Variants in CPA6 observed in about 807,000 individuals in gnomAD.
The protein encoded by CPA6 is carboxypeptidase A6, also known as carboxypeptidase B.
A neutral mutation model predicts 63.3 loss-of-function variants in CPA6; 58 were observed. The observed-to-expected ratio is 0.92, with a 90% CI of 0.74 to 1.14. The LOEUF (loss-of-function observed/expected upper bound fraction) is 1.14, where lower values mean the gene tolerates loss of function less well. CPA6 is among the 50% of genes most tolerant of loss of function. The probability of loss-of-function intolerance (pLI) is 0.00; values close to 1 mark genes in which losing one functional copy is unlikely to be tolerated. For missense variants in CPA6, 565 were observed against 526.6 expected (o/e 1.07, Z -0.71); for synonymous variants, 185 against 179.0 (o/e 1.03, Z -0.27).
chr8:67,726,455 A>T (rs532303745), intron 1 of CPA6, among the ~76,000 whole-genome samples: 2 of 152,318 alleles, frequency 1.3e-5, no homozygotes, highest in South Asian at 2.1e-4. Context: ...TGTAGTTTTA[A>T]AAAGTAATTG....
At chr8:67,679,090 C>G (rs1002722906) in intron 1 of CPA6, among the ~76,000 whole-genome samples, 2 of 152,096 alleles carry the variant, frequency 1.3e-5, no homozygotes, top group African/African-American at 4.8e-5. Context: ...AAAGAAACCT[C>G]TTGGTACTGG....
intron 2 of CPA6, among the ~76,000 whole-genome samples, chr8:67,553,154 A>G (rs1812987401): frequency 6.6e-6 from 1 of 152,220 alleles, no homozygotes; most frequent in South Asian, 2.1e-4. Context: ...CAGGAGTTAT[A>G]AATTAAAGAT....
intron 1 of CPA6, among the ~76,000 whole-genome samples, chr8:67,720,829 C>G (rs1817482831): frequency 6.6e-6 from 1 of 152,150 alleles, no homozygotes. Flanking sequence ...CCTTGTTGAT[C>G]ACTTCCTGGC....
intron 6 of CPA6, among the ~76,000 whole-genome samples, chr8:67,502,049 T>C (rs1419792441): frequency 1.3e-5 from 2 of 152,252 alleles, no homozygotes; most frequent in African/African-American, 4.8e-5. Context: ...TATTCCCTTA[T>C]TAACCTTTTT....
chr8:67,460,713 A>G (rs1224754855), intron 8 of CPA6, among the ~76,000 whole-genome samples: 1 of 152,254 alleles, frequency 6.6e-6, no homozygotes, highest in Non-Finnish European at 1.5e-5. Flanking sequence ...TTATTGCATT[A>G]TAATAAAATA....
chr8:67,623,138 A>T (rs1815118511), intron 2 of CPA6, among the ~76,000 whole-genome samples: 1 of 152,188 alleles, frequency 6.6e-6, no homozygotes, highest in South Asian at 2.1e-4. Flanking sequence ...TTTTTCCTCA[A>T]CTCACTTCTG....
chr8:67,692,050 G>A (rs1490075653), intron 1 of CPA6, among the ~76,000 whole-genome samples: 2 of 152,280 alleles, frequency 1.3e-5, no homozygotes, highest in East Asian at 3.9e-4. Context: ...AAGAACAAGA[G>A]ATTGGGCTGG....
chr8:67,440,652 C>A (rs1259197991), intron 8 of CPA6, among the ~76,000 whole-genome samples: 1 of 152,090 alleles, frequency 6.6e-6, no homozygotes, highest in South Asian at 2.1e-4. Context: ...ATAGAATGTA[C>A]TTATGCAAAT....
intron 9 of CPA6, among the ~76,000 whole-genome samples, chr8:67,429,167 T>C (rs1809963841): frequency 6.6e-6 from 1 of 152,092 alleles, no homozygotes; most frequent in African/African-American, 2.4e-5. Flanking sequence ...TGCGAAGAGG[T>C]AGAAAGTCTA....
intron 2 of CPA6, among the ~76,000 whole-genome samples, chr8:67,587,500 G>T (rs1813975843): frequency 6.6e-6 from 1 of 152,132 alleles, no homozygotes; most frequent in African/African-American, 2.4e-5. Flanking sequence ...ATTGATGTAA[G>T]GTGGCCTTTT....
At chr8:67,521,281 T>C (rs1191705160) in intron 2 of CPA6, among the ~76,000 whole-genome samples, 2 of 152,232 alleles carry the variant, frequency 1.3e-5, no homozygotes, top group African/African-American at 2.4e-5. Context: ...TACAGACATA[T>C]TTAAGAGGCC....
In CPA6 at chr8:67,662,088, A is replaced by C. The variant is rs573744350; in HGVS notation, c.117-37837T>G. On this transcript the variant is annotated intron_variant, in intron 1 of 10. Coordinates refer to ENST00000297770, the MANE Select transcript of CPA6 (RefSeq NM_020361.5). Reference sequence around the variant, plus strand: ...CCTCCTAAGACCATGATTTTGGTGCAGGTTCTGGGGGAGGCAGGTAGTTGA... The same window carrying C: ...CCTCCTAAGACCATGATTTTGGTGCCGGTTCTGGGGGAGGCAGGTAGTTGA... Among the ~76,000 whole-genome samples, 13 of 152,226 alleles carry C rather than the reference A, an allele frequency of 8.5e-5. No homozygotes were observed. In the East Asian group the frequency reaches 2.3e-3, roughly 27 times the overall value.
chr8:67,512,800 G>A (rs1173273337), intron 3 of CPA6, among the ~76,000 whole-genome samples: 2 of 151,862 alleles, frequency 1.3e-5, no homozygotes, highest in Non-Finnish European at 2.9e-5. Flanking sequence ...AACATATAAT[G>A]GCATCTTTAA....
chr8:67,473,140 A>C (rs896668495), intron 8 of CPA6, among the ~76,000 whole-genome samples: 1 of 152,254 alleles, frequency 6.6e-6, no homozygotes, highest in South Asian at 2.1e-4. Context: ...ATAGCTCTGA[A>C]TAGGAAGAGA....
intron 1 of CPA6, among the ~76,000 whole-genome samples, chr8:67,651,404 T>G (rs1587670773): frequency 6.6e-6 from 1 of 152,330 alleles, no homozygotes; most frequent in African/African-American, 2.4e-5. Flanking sequence ...CCTCGGCCTC[T>G]ATACTGGCTT....
intron 2 of CPA6, among the ~76,000 whole-genome samples, chr8:67,554,702 G>A (rs767339743): frequency 6.6e-6 from 1 of 152,142 alleles, no homozygotes; most frequent in East Asian, 1.9e-4. Context: ...TGAGAGCCTG[G>A]GGGCTGTTGG....
chr8:67,585,378 G>C (rs1405662055), intron 2 of CPA6, among the ~76,000 whole-genome samples: 1 of 152,204 alleles, frequency 6.6e-6, no homozygotes, highest in Non-Finnish European at 1.5e-5. Flanking sequence ...TGTTGCATCA[G>C]TGGAAGAATA....
At position 67,513,983 on chromosome 8, in the gene CPA6, G is replaced by C. The variant is rs1812093627; in HGVS notation, c.318-2328C>G. On this transcript the variant is annotated intron_variant, in intron 3 of 10. Transcript: ENST00000297770. ...ATAGAAAATTTTTTTTTTTTTTGAGGAGTCTTGCTCTGTCACCCAGGCTGG... is the reference window on the plus strand; with the variant it reads ...ATAGAAAATTTTTTTTTTTTTTGAGCAGTCTTGCTCTGTCACCCAGGCTGG... Among the ~76,000 whole-genome samples, 3 of 151,204 alleles carry C rather than the reference G, an allele frequency of 2.0e-5. No individual in the cohort carries two copies. The South Asian group carries it at 6.2e-4, about 31-fold the overall frequency.
chr8:67,475,185 G>C (rs969646244), intron 8 of CPA6, among the ~76,000 whole-genome samples: 2 of 152,200 alleles, frequency 1.3e-5, no homozygotes, highest in African/African-American at 4.8e-5. Flanking sequence ...ATTGTTACTT[G>C]TAGGAGGCAG....
Sources: gnomAD v4.1 joint callset for allele counts (sites outside exome capture counted in the v4.1 genomes callset) on GRCh38, gnomAD v4.1.1 for gene constraint, MANE v1.5 for transcripts, NCBI Gene and HGNC (gene_info 2026-07-23, HGNC 2026-07-21) for gene names.